Variants in TRAM2 observed in about 807,000 individuals in gnomAD.
TRAM2 encodes the protein translocating chain-associated membrane protein 2.
TRAM2 carries 12 observed loss-of-function variants against 51.0 expected under a neutral mutation model. The observed-to-expected ratio is 0.24, with a 90% CI of 0.15 to 0.38. The LOEUF is 0.38. Ranked by LOEUF, TRAM2 falls within the 10% of genes least tolerant of loss-of-function variation. The probability of loss-of-function intolerance (pLI) is 1.00; values close to 1 mark genes in which losing one functional copy is unlikely to be tolerated. For synonymous variants in TRAM2, 175 were observed against 179.4 expected, an observed-to-expected ratio of 0.98 and a Z score of 0.20; for missense variants, 361 against 462.0, an observed-to-expected ratio of 0.78 and a Z score of 2.00.
intron 4 of TRAM2, among the ~76,000 whole-genome samples, chr6:52,515,203 C>T (rs530629901): frequency 2.0e-5 from 3 of 152,254 alleles, no homozygotes; most frequent in African/African-American, 7.2e-5. Context: ...TTTTCCAAGA[C>T]CCAGGCATGG....
intron 1 of TRAM2, among the ~76,000 whole-genome samples, chr6:52,539,724 C>A (rs181662168): frequency 3.3e-5 from 5 of 152,076 alleles, no homozygotes; most frequent in African/African-American, 1.2e-4. Flanking sequence ...CAGAACAGAG[C>A]GGCACTCAGC....
At chr6:52,569,929 G>A (rs1380891414) in intron 1 of TRAM2, among the ~76,000 whole-genome samples, 1 of 152,182 alleles carries the variant, frequency 6.6e-6, no homozygotes, top group Non-Finnish European at 1.5e-5. Context: ...AGTGGGCAGA[G>A]CTGTAGAAGA....
intron 2 of TRAM2, among the ~76,000 whole-genome samples, chr6:52,522,458 T>G (rs1008191480): frequency 2.6e-5 from 4 of 152,270 alleles, no homozygotes; most frequent in African/African-American, 9.6e-5. Flanking sequence ...AAACACTGCA[T>G]GGGCCAACAC....
chr6:52,563,792 GT>G (rs1057418803), intron 1 of TRAM2, among the ~76,000 whole-genome samples: 1 of 145,242 alleles, frequency 6.9e-6, no homozygotes, highest in African/African-American at 2.5e-5. Flanking sequence ...CCTTTTTTAT[GT>G]TTTTTATTTT....
At chr6:52,553,259 A>G (rs1767342430) in intron 1 of TRAM2, among the ~76,000 whole-genome samples, 1 of 152,212 alleles carries the variant, frequency 6.6e-6, no homozygotes, top group South Asian at 2.1e-4. Context: ...TATATTAAGG[A>G]TATTATTCCA....
chr6:52,516,157 C>A (rs1766544211), intron 3 of TRAM2, 35 bp from the exon 4 acceptor site: 4 of 1,577,996 alleles, frequency 2.5e-6, no homozygotes, highest in African/African-American at 1.3e-5. Context: ...TATTAATATA[C>A]AAATGTATCC....
At position 52,503,239 on chromosome 6, in the gene TRAM2, C is replaced by T. The variant is rs1199197854; in HGVS notation, c.1071G>A (p.Glu357=). 13 of 1,614,016 alleles carry T rather than the reference C, an allele frequency of 8.1e-6. No individual in the cohort carries two copies. In the East Asian group the frequency reaches 2.5e-4, roughly 30 times the overall value. ...GYHENGVVKA[E]NGTSPRTKKL... The stretch of plus-strand genomic sequence containing the variant: ...TCTTAGTCCGTGGGGAGGTTCCGTT[C>T]TCTGCCTTCACCACTCCATTTTCAT... The change falls in exon 11 of 11, where the codon GAG becomes GAA. Residue 357 remains glutamate (E), a synonymous_variant. Coordinates refer to ENST00000182527, the MANE Select transcript of TRAM2 (RefSeq NM_012288.4).
intron 2 of TRAM2, 81 bp downstream of exon 2, chr6:52,535,702 T>C: frequency 1.5e-6 from 2 of 1,334,390 alleles, no homozygotes; most frequent in Non-Finnish European, 1.0e-6. Context: ...AAAAAAATTG[T>C]ACACAGATGG....
chr6:52,554,247 A>T (rs1767361594), intron 1 of TRAM2, among the ~76,000 whole-genome samples: 1 of 152,136 alleles, frequency 6.6e-6, no homozygotes, highest in African/African-American at 2.4e-5. Context: ...AAAGTGGGCC[A>T]GGCGCGGTGA....
chr6:52,513,566 G>A (rs1453261827), intron 4 of TRAM2, among the ~76,000 whole-genome samples: 1 of 152,136 alleles, frequency 6.6e-6, no homozygotes, highest in African/African-American at 2.4e-5. Flanking sequence ...ATGGTATTTA[G>A]GCAGAGACTT....
intron 1 of TRAM2, among the ~76,000 whole-genome samples, chr6:52,544,875 G>A (rs1372068892): frequency 1.3e-5 from 2 of 152,144 alleles, no homozygotes; most frequent in African/African-American, 4.8e-5. Context: ...CAAAGGCAGG[G>A]CCTCAGGTAA....
intron 2 of TRAM2, among the ~76,000 whole-genome samples, chr6:52,533,149 GAA>G (rs1223571717): frequency 6.6e-6 from 1 of 152,304 alleles, no homozygotes; most frequent in South Asian, 2.1e-4. Flanking sequence ...TCTGCAAGAT[GAA>G]AAGAGTTCTG....
intron 1 of TRAM2, among the ~76,000 whole-genome samples, chr6:52,570,124 C>G (rs1767652619): frequency 6.6e-6 from 1 of 152,168 alleles, no homozygotes; most frequent in African/African-American, 2.4e-5. Flanking sequence ...AAGATGTGCC[C>G]TTGAGCTACA....
chr6:52,511,348 G>A (rs964348607), intron 4 of TRAM2, among the ~76,000 whole-genome samples: 4 of 152,084 alleles, frequency 2.6e-5, no homozygotes, highest in Non-Finnish European at 5.9e-5. Context: ...CACTTGCCTC[G>A]ACCTCCCAAA....
In TRAM2 at chr6:52,577,040, C is replaced by G. The variant is rs573104756; in HGVS notation, c.-125G>C. ...GCCCGCTCTCCCACAGCCGCTCGCC[C>G]GCCCAGCGCGGAACAACTTCGGGGC... On this transcript the variant is annotated 5_prime_UTR_variant, in exon 1 of 11. Transcript: ENST00000182527. 2.7e-5 allele frequency: 32 copies of G among 1,164,766 alleles called. 1 individual carries two copies. The highest frequency in any genetic ancestry group is 3.4e-4 in the Middle Eastern group (1 of 2,966). The allele number at this position is 1,164,766 out of a possible 1,614,324, so 72.2% of individuals were successfully genotyped here. A position where few individuals can be genotyped will look rare whatever the true frequency, so the allele number is the denominator to read the frequency against.
At position 52,577,009 on chromosome 6, in the gene TRAM2, C is replaced by A; in HGVS notation, c.-94G>T. The stretch of plus-strand genomic sequence containing the variant: ...AGCACCGGCCCGGTCCGCCCGCCGG[C>A]CCGCCGCCCGCTCTCCCACAGCCGC... On this transcript the variant is annotated 5_prime_UTR_variant, in exon 1 of 11. Transcript: ENST00000182527. 7.7e-7 allele frequency: 1 copy of A among 1,300,352 alleles called. No individual in the cohort carries two copies. The highest frequency in any genetic ancestry group is 9.8e-7 in the Non-Finnish European group (1 of 1,025,376). 80.6% of individuals were successfully genotyped at this position (1,300,352 alleles called of 1,614,324 possible). A position where few individuals can be genotyped will look rare whatever the true frequency, so the allele number is the denominator to read the frequency against.
At chr6:52,513,472 A>T (rs1361881477) in intron 4 of TRAM2, among the ~76,000 whole-genome samples, 1 of 152,152 alleles carries the variant, frequency 6.6e-6, no homozygotes, top group Non-Finnish European at 1.5e-5. Context: ...GGAGAAACAG[A>T]GAATACAGAA....
At chr6:52,522,406 C>T (rs1266261791) in intron 2 of TRAM2, among the ~76,000 whole-genome samples, 1 of 152,218 alleles carries the variant, frequency 6.6e-6, no homozygotes, top group African/African-American at 2.4e-5. Flanking sequence ...TACGTGAAAT[C>T]ATCTGATTTT....
chr6:52,559,171 G>T (rs1049127950), intron 1 of TRAM2, among the ~76,000 whole-genome samples: 6 of 152,176 alleles, frequency 3.9e-5, no homozygotes, highest in African/African-American at 1.4e-4. Context: ...AAAGAGTTCT[G>T]CACACTTCTC....
Sources: allele counts gnomAD v4.1 joint callset (sites outside exome capture counted in the v4.1 genomes callset), GRCh38; gene constraint gnomAD v4.1.1; transcripts MANE v1.5; gene names NCBI Gene and HGNC (gene_info 2026-07-23, HGNC 2026-07-21).